Variants in SEMA6D observed in about 807,000 individuals in gnomAD.
The protein encoded by SEMA6D is semaphorin 6D, also known as semaphorin-6D.
SEMA6D carries 35 observed loss-of-function variants against 106.6 expected under a neutral mutation model. The observed-to-expected ratio is 0.33, with a 90% confidence interval of 0.25 to 0.44. SEMA6D has a LOEUF of 0.44. SEMA6D is among the 20% of genes least tolerant of loss of function. The pLI is 1.00. For missense variants in SEMA6D, 1,185 were observed against 1,345.9 expected (o/e 0.88, Z 1.87); for synonymous variants, 499 against 487.7 (o/e 1.02, Z -0.31).
chr15:47,689,107 A>T (rs1005504396), intron 4 of SEMA6D, among the ~76,000 whole-genome samples: 3 of 152,246 alleles, frequency 2.0e-5, no homozygotes, highest in Admixed American at 6.5e-5. Context: ...TGCCCTTCCC[A>T]TACCTGGAAA....
intron 3 of SEMA6D, among the ~76,000 whole-genome samples, chr15:47,562,995 A>G (rs1339814947): frequency 6.6e-6 from 1 of 152,198 alleles, no homozygotes; most frequent in Non-Finnish European, 1.5e-5. Context: ...ATTACATTCA[A>G]CAGCAAAAAC....
chr15:47,444,146 G>C (rs1455473893), intron 2 of SEMA6D, among the ~76,000 whole-genome samples: 1 of 152,124 alleles, frequency 6.6e-6, no homozygotes, highest in African/African-American at 2.4e-5. Context: ...GCAGGACACT[G>C]TGAGGAGCAA....
intron 1 of SEMA6D, among the ~76,000 whole-genome samples, chr15:47,225,056 T>C (rs1172619907): frequency 1.3e-5 from 2 of 151,946 alleles, no homozygotes; most frequent in African/African-American, 4.8e-5. Context: ...GAGTAGAACA[T>C]CAACCCTTAG....
intron 4 of SEMA6D, among the ~76,000 whole-genome samples, chr15:47,709,433 T>TTC (rs2078974685): frequency 6.6e-6 from 1 of 152,206 alleles, no homozygotes; most frequent in African/African-American, 2.4e-5. Context: ...CTCTAAATGA[T>TTC]AAAACTGCTT....
intron 1 of SEMA6D, among the ~76,000 whole-genome samples, chr15:47,277,122 TGAG>T (rs1240936822): frequency 6.6e-6 from 1 of 152,118 alleles, no homozygotes; most frequent in Non-Finnish European, 1.5e-5. Flanking sequence ...CGTTAATGGA[TGAG>T]GAGTTGCTTC....
intron 1 of SEMA6D, among the ~76,000 whole-genome samples, chr15:47,282,158 T>A (rs2142546631): frequency 6.6e-6 from 1 of 152,248 alleles, no homozygotes; most frequent in Middle Eastern, 3.4e-3. Flanking sequence ...AAACAGGACA[T>A]TTGCTAATTT....
At chr15:47,635,795 C>T (rs2077376551) in intron 4 of SEMA6D, among the ~76,000 whole-genome samples, 1 of 152,018 alleles carries the variant, frequency 6.6e-6, no homozygotes, top group South Asian at 2.1e-4. Flanking sequence ...AGTTGGGTAC[C>T]TGAGCTTTGG....
chr15:47,724,409 C>G (rs568291890), intron 1 of SEMA6D, among the ~76,000 whole-genome samples: 1 of 152,170 alleles, frequency 6.6e-6, no homozygotes, highest in African/African-American at 2.4e-5. Context: ...ATAGCTGAAA[C>G]GCTGTGTGTT....
At chr15:47,717,768 T>TGC (rs1491174671) in intron 1 of SEMA6D, 76 bp downstream of exon 1, 1 of 58,802 alleles carries the variant, frequency 1.7e-5, no homozygotes, top group Admixed American at 1.8e-4. Flanking sequence ...CCCGAATCGC[T>TGC]GTGTGTGTGT....
At chr15:47,696,984 T>C (rs928053341) in intron 4 of SEMA6D, among the ~76,000 whole-genome samples, 6 of 152,186 alleles carry the variant, frequency 3.9e-5, no homozygotes, top group Admixed American at 6.5e-5. Context: ...ATCATCATCA[T>C]CTTTTAAGTC....
intron 1 of SEMA6D, among the ~76,000 whole-genome samples, chr15:47,237,730 T>C (rs552095025): frequency 6.6e-5 from 10 of 152,206 alleles, no homozygotes; most frequent in African/African-American, 2.4e-4. Context: ...CCCTTTTAAC[T>C]ATGACCGTTT....
At chr15:47,473,284 G>A (rs900253139) in intron 3 of SEMA6D, among the ~76,000 whole-genome samples, 2 of 152,252 alleles carry the variant, frequency 1.3e-5, no homozygotes, top group South Asian at 2.1e-4. Context: ...GTCCAAAACC[G>A]GGGCTAGAGA....
rs753711376 is a variant in SEMA6D, at chr15:47,764,044, G to T, written c.942G>T (p.Gly314=). ...IQINGIPTVV[G]VFTTQLNSIP... is the part of the protein sequence containing the mutation. ...TCAATGGCATCCCCACTGTGGTCGG[G>T]GTGTTTACCACGCAGCTCAATAGGT... is the stretch of plus-strand genomic sequence containing the variant. The change falls in exon 10 of 19, where the codon GGG becomes GGT. Residue 314 remains glycine, a synonymous_variant. Transcript: ENST00000536845. 1 of 1,613,690 alleles carries T rather than the reference G, an allele frequency of 6.2e-7. No homozygotes were observed. Among genetic ancestry groups the T allele is most frequent in the Non-Finnish European group, 8.5e-7 (1 of 1,179,866 alleles).
intron 1 of SEMA6D, among the ~76,000 whole-genome samples, chr15:47,318,951 A>G (rs2143561744): frequency 6.6e-6 from 1 of 152,120 alleles, no homozygotes; most frequent in African/African-American, 2.4e-5. Context: ...CATTTTAATG[A>G]TTGCCATTCT....
intron 1 of SEMA6D, chr15:47,718,638 T>C (rs2079232317): frequency 6.6e-6 from 1 of 152,408 alleles, no homozygotes; most frequent in Non-Finnish European, 1.5e-5. Context: ...TTCCGTGCTT[T>C]GTTCCCCGAC....
intron 1 of SEMA6D, among the ~76,000 whole-genome samples, chr15:47,309,633 G>T (rs1595699838): frequency 1.3e-5 from 2 of 152,082 alleles, no homozygotes; most frequent in African/African-American, 4.8e-5. Flanking sequence ...AGGGGTCTTG[G>T]AACATATGAA....
intron 1 of SEMA6D, among the ~76,000 whole-genome samples, chr15:47,354,167 A>G (rs1194090636): frequency 2.8e-5 from 4 of 144,044 alleles, no homozygotes; most frequent in Non-Finnish European, 6.0e-5. Context: ...TATATATGGA[A>G]TGAGAAAGCC....
intron 2 of SEMA6D, among the ~76,000 whole-genome samples, chr15:47,444,781 T>C (rs1298261320): frequency 6.6e-6 from 1 of 152,138 alleles, no homozygotes; most frequent in Non-Finnish European, 1.5e-5. Flanking sequence ...AGTGGGTGTC[T>C]GTAACTCCTG....
chr15:47,320,530 C>T (rs1378913203), intron 1 of SEMA6D, among the ~76,000 whole-genome samples: 1 of 152,138 alleles, frequency 6.6e-6, no homozygotes, highest in Non-Finnish European at 1.5e-5. Flanking sequence ...GATCATCTTG[C>T]CCTGGTCCTG....
Sources: gnomAD v4.1 joint callset for allele counts (sites outside exome capture counted in the v4.1 genomes callset) on GRCh38, gnomAD v4.1.1 for gene constraint, MANE v1.5 for transcripts, NCBI Gene and HGNC (gene_info 2026-07-23, HGNC 2026-07-21) for gene names.